CFAP54: variants seen among roughly 807,000 people sequenced by gnomAD.
CFAP54 encodes the protein cilia and flagella associated protein 54.
A neutral mutation model predicts 370.4 loss-of-function variants in CFAP54; 290 were observed. The observed-to-expected ratio is 0.78, with a 90% confidence interval of 0.71 to 0.86. The LOEUF (loss-of-function observed/expected upper bound fraction) is 0.86, where lower values mean the gene tolerates loss of function less well. CFAP54 is among the 40% of genes least tolerant of loss of function. CFAP54 has a pLI of 0.00. For synonymous variants in CFAP54, 1,206 were observed against 1,236.5 expected (o/e 0.98, Z 0.52); for missense variants, 3,399 against 3,528.7 (o/e 0.96, Z 0.93).
intron 67 of CFAP54, among the ~76,000 whole-genome samples, chr12:96,868,482 CTG>C (rs1265961110): frequency 6.9e-6 from 1 of 144,952 alleles, no homozygotes; most frequent in East Asian, 2.0e-4. Context: ...GGAATACAAA[CTG>C]TTTTTATATA....
chr12:96,587,692 A>G (rs967824102), intron 22 of CFAP54, among the ~76,000 whole-genome samples: 8 of 152,212 alleles, frequency 5.3e-5, no homozygotes, highest in Non-Finnish European at 1.0e-4. Flanking sequence ...TACATTTTAC[A>G]AGAAAAGAAC....
intron 62 of CFAP54, among the ~76,000 whole-genome samples, chr12:96,790,218 G>A (rs1215576002): frequency 6.6e-6 from 1 of 152,122 alleles, no homozygotes; most frequent in Non-Finnish European, 1.5e-5. Flanking sequence ...TGGACTGTAT[G>A]CTTGAATACA....
chr12:96,841,841 T>C (rs1395053281), intron 66 of CFAP54, among the ~76,000 whole-genome samples: 2 of 152,252 alleles, frequency 1.3e-5, no homozygotes, highest in Non-Finnish European at 2.9e-5. Flanking sequence ...TTCCGCCACC[T>C]ATTGGTTGTA....
chr12:96,601,296 G>C (rs1956239073), intron 26 of CFAP54, among the ~76,000 whole-genome samples: 1 of 152,186 alleles, frequency 6.6e-6, no homozygotes, highest in African/African-American at 2.4e-5. Flanking sequence ...TTGCATCCCA[G>C]GGATGAAGCC....
At chr12:96,768,390 T>C (rs1433034627) in intron 60 of CFAP54, among the ~76,000 whole-genome samples, 1 of 151,966 alleles carries the variant, frequency 6.6e-6, no homozygotes, top group Non-Finnish European at 1.5e-5. Flanking sequence ...CGGTGGGTTA[T>C]GGCTATAATC....
At chr12:96,786,160 C>T (rs1565977664) in intron 61 of CFAP54, among the ~76,000 whole-genome samples, 1 of 151,514 alleles carries the variant, frequency 6.6e-6, no homozygotes, top group East Asian at 1.9e-4. Context: ...TAAAACTAAG[C>T]ATTACCCTCA....
chr12:96,596,968 A>G (rs906845358), intron 25 of CFAP54, among the ~76,000 whole-genome samples: 58 of 152,212 alleles, frequency 3.8e-4, no homozygotes, highest in African/African-American at 1.0e-3. Flanking sequence ...TAACAATGTA[A>G]TATCACTGGC....
At chr12:96,718,396 C>T (rs1385277254) in intron 48 of CFAP54, 47 bp from the exon 49 acceptor site, 1 of 898,330 alleles carries the variant, frequency 1.1e-6, no homozygotes, top group African/African-American at 1.7e-5. Context: ...AATATTTAAA[C>T]TAACCATAGA....
At chr12:96,696,213 A>G (rs1227919738) in intron 45 of CFAP54, among the ~76,000 whole-genome samples, 1 of 152,180 alleles carries the variant, frequency 6.6e-6, no homozygotes, top group Non-Finnish European at 1.5e-5. Flanking sequence ...TTGGGTAGGC[A>G]GGTTGTAGAA....
At chr12:96,854,088 T>C (rs1473758000) in intron 66 of CFAP54, among the ~76,000 whole-genome samples, 1 of 152,064 alleles carries the variant, frequency 6.6e-6, no homozygotes, top group Non-Finnish European at 1.5e-5. Context: ...AATACAAATA[T>C]ATTAATGCTA....
chr12:96,703,967 G>A (rs9645777), intron 46 of CFAP54, among the ~76,000 whole-genome samples: 23,436 of 152,060 alleles, frequency 0.15, 2,314 homozygotes, highest in East Asian at 0.48. Context: ...ATAATGATGG[G>A]GAAGTGGCTC....
intron 8 of CFAP54, among the ~76,000 whole-genome samples, chr12:96,523,943 G>A (rs995646109): frequency 7.3e-5 from 11 of 150,836 alleles, no homozygotes; most frequent in Admixed American, 2.6e-4. Context: ...AGAAAAAATT[G>A]TAATTGTTTA....
At chr12:96,751,481 A>G (rs931419812) in intron 55 of CFAP54, among the ~76,000 whole-genome samples, 4 of 152,176 alleles carry the variant, frequency 2.6e-5, no homozygotes, top group Non-Finnish European at 5.9e-5. Context: ...GCACTAATAT[A>G]TAATATAAAC....
chr12:96,860,392 C>T (rs917531969), intron 66 of CFAP54, among the ~76,000 whole-genome samples: 10 of 152,144 alleles, frequency 6.6e-5, no homozygotes, highest in Admixed American at 3.3e-4. Flanking sequence ...AGCTCTCGCT[C>T]GTGATAACAC....
intron 32 of CFAP54, among the ~76,000 whole-genome samples, chr12:96,641,898 A>T (rs1338331277): frequency 6.9e-6 from 1 of 144,754 alleles, no homozygotes; most frequent in Non-Finnish European, 1.5e-5. Flanking sequence ...TGGACACAGG[A>T]AGGGGAACAT....
At chr12:96,614,110 C>T (rs1186150751) in intron 26 of CFAP54, among the ~76,000 whole-genome samples, 1 of 152,090 alleles carries the variant, frequency 6.6e-6, no homozygotes, top group Non-Finnish European at 1.5e-5. Context: ...TGTGAAAATC[C>T]TCAATAAAAT....
intron 67 of CFAP54, among the ~76,000 whole-genome samples, chr12:96,873,943 G>A (rs1050162590): frequency 6.6e-6 from 1 of 152,110 alleles, no homozygotes; most frequent in Non-Finnish European, 1.5e-5. Flanking sequence ...CCTGACTAGA[G>A]TGTTAATCAA....
At chr12:96,814,730 A>T (rs1958958966) in intron 64 of CFAP54, among the ~76,000 whole-genome samples, 1 of 152,122 alleles carries the variant, frequency 6.6e-6, no homozygotes, top group South Asian at 2.1e-4. Flanking sequence ...AACAGGCCCT[A>T]GTGTGTGATG....
At chr12:96,510,519 G>C (rs984477061) in intron 4 of CFAP54, among the ~76,000 whole-genome samples, 1 of 152,130 alleles carries the variant, frequency 6.6e-6, no homozygotes, top group African/African-American at 2.4e-5. Context: ...GCCTTCCTCA[G>C]TTCCCCAGTT....
Sources: allele counts gnomAD v4.1 joint callset (sites outside exome capture counted in the v4.1 genomes callset), GRCh38; gene constraint gnomAD v4.1.1; transcripts MANE v1.5; gene names NCBI Gene and HGNC (gene_info 2026-07-23, HGNC 2026-07-21).